Variants in ANKRD27 observed in about 807,000 individuals in gnomAD.
The protein encoded by ANKRD27 is ankyrin repeat domain 27, also known as ankyrin repeat domain-containing protein 27.
In ANKRD27, 112 loss-of-function variants were observed where a neutral mutation model predicts 129.7. The ratio of observed to expected loss-of-function variants is 0.86; its 90% CI spans 0.74 to 1.01. ANKRD27 has a LOEUF of 1.01. ANKRD27 is among the 50% of genes least tolerant of loss of function. ANKRD27 has a pLI of 0.00. For synonymous variants in ANKRD27, 516 were observed against 511.2 expected, an observed-to-expected ratio of 1.01 and a Z score of -0.13; for missense variants, 1,258 against 1,300.5, an observed-to-expected ratio of 0.97 and a Z score of 0.50.
Position 32,657,392 on chromosome 19 carries a change from GTGGAGGTTGCAGTGAGT to G in ANKRD27, c.102+1505_102+1521del, listed in dbSNP as rs1967559464. Among the ~76,000 whole-genome samples the G allele has an allele frequency of 1.3e-5, 2 of 151,832 alleles. 1 individual carries two copies. The highest frequency in any genetic ancestry group is 1.3e-4 in the Admixed American group (2 of 15,238). On this transcript the variant is annotated intron_variant, in intron 2 of 28. Transcript: ENST00000306065. The stretch of plus-strand genomic sequence containing the variant: ...CAGGAAAATCGCTTGAACCCCGGAG[GTGGAGGTTGCAGTGAGT>G]CGAGATTGCGCCACTGCACTCTAGC...
intron 13 of ANKRD27, among the ~76,000 whole-genome samples, chr19:32,630,415 G>C (rs955492560): frequency 6.6e-6 from 1 of 152,220 alleles, no homozygotes; most frequent in Non-Finnish European, 1.5e-5. Flanking sequence ...AGACCACCAG[G>C]AAGTCAGGCA....
intron 11 of ANKRD27, among the ~76,000 whole-genome samples, chr19:32,639,984 C>G (rs915675898): frequency 6.6e-6 from 1 of 151,516 alleles, no homozygotes; most frequent in East Asian, 1.9e-4. Flanking sequence ...TTTTTTGAGA[C>G]GGAGTCTCGC....
chr19:32,626,745 G>A lies in ANKRD27; in HGVS notation c.1503C>T (p.His501=), dbSNP rs200246076. 28 of 1,612,170 alleles carry A rather than the reference G, an allele frequency of 1.7e-5. No individual in the cohort carries two copies. The African/African-American group carries it at 2.1e-4, about 12-fold the overall frequency. Reference sequence around the variant, plus strand: ...TCTGGTAGCCCTTCTGACAGGCCAGGTGGAGCGGAGTGGCTCCATGGTAGT... The same window carrying A: ...TCTGGTAGCCCTTCTGACAGGCCAGATGGAGCGGAGTGGCTCCATGGTAGT... ...ATDYHGATPL[H]LACQKGYQSV... Residue 501 remains histidine, a synonymous_variant, in exon 16 of 29, where the codon CAC becomes CAT. Coordinates refer to ENST00000306065, the MANE Select transcript of ANKRD27 (RefSeq NM_032139.3).
At chr19:32,621,685 A>C (rs1367793006) in intron 18 of ANKRD27, among the ~76,000 whole-genome samples, 1 of 152,204 alleles carries the variant, frequency 6.6e-6, no homozygotes, top group Non-Finnish European at 1.5e-5. Context: ...GGCCTGTACA[A>C]ACGGGGCTCC....
At chr19:32,673,712 C>T (rs1967916941) in intron 1 of ANKRD27, among the ~76,000 whole-genome samples, 1 of 152,186 alleles carries the variant, frequency 6.6e-6, no homozygotes, top group Non-Finnish European at 1.5e-5. Context: ...AGTACCCAAG[C>T]CCTGGCAGCA....
In ANKRD27 at chr19:32,646,450, C is replaced by A; in HGVS notation, c.370+9G>T. ...AAACAGGAGAAAAAGGTTTTTTCTC[C>A]CAGAATACCTGAACTCTCTCTCTTT... On this transcript the variant is annotated intron_variant, in intron 4 of 28. Transcript: ENST00000306065. The A allele has an allele frequency of 1.3e-6, 2 of 1,586,672 alleles. No homozygotes were observed. Among genetic ancestry groups the A allele is most frequent in the South Asian group, 1.1e-5 (1 of 87,406 alleles).
Position 32,597,370 on chromosome 19 carries a change from TC to T in ANKRD27, c.*774del, listed in dbSNP as rs2145250985. The T allele has an allele frequency of 6.5e-6, 1 of 152,738 alleles. No individual in the cohort carries two copies. Among genetic ancestry groups the T allele is most frequent in the East Asian group, 1.9e-4 (1 of 5,192 alleles). 9.5% of individuals were successfully genotyped at this position (152,738 alleles called of 1,614,324 possible). On this transcript the variant is annotated 3_prime_UTR_variant, in exon 29 of 29. Coordinates refer to ENST00000306065, the MANE Select transcript of ANKRD27 (RefSeq NM_032139.3). ...AAAGACTAAGAAAAGATGTGCCAAA[TC>T]TACTCTCTAATCCAGTAACCATCCC...
intron 1 of ANKRD27, among the ~76,000 whole-genome samples, chr19:32,669,122 T>C (rs968213296): frequency 1.3e-5 from 2 of 152,184 alleles, no homozygotes; most frequent in African/African-American, 2.4e-5. Flanking sequence ...AAGAGTCATA[T>C]TTTATTTCAA....
chr19:32,646,773 CTAAAA>C (rs1239794335), intron 3 of ANKRD27, among the ~76,000 whole-genome samples, 158 bp from the exon 4 acceptor site: 3 of 152,164 alleles, frequency 2.0e-5, no homozygotes, highest in Admixed American at 2.0e-4. Context: ...CATTTTGATA[CTAAAA>C]TGTTTCCTCT....
intron 9 of ANKRD27, among the ~76,000 whole-genome samples, chr19:32,642,368 G>GA (rs11433754): frequency 0.16 from 24,075 of 148,054 alleles, 2,499 homozygotes; most frequent in East Asian, 0.37. Context: ...AAGAAAAGCT[G>GA]AAAAAAAAAA....
intron 13 of ANKRD27, among the ~76,000 whole-genome samples, chr19:32,631,023 T>C (rs1477469624): frequency 6.7e-6 from 1 of 149,578 alleles, no homozygotes; most frequent in Middle Eastern, 3.2e-3. Context: ...ACCCTGATCA[T>C]TTTTTTTTTC....
intron 12 of ANKRD27, 48 bp from the exon 13 acceptor site, chr19:32,631,542 T>G (rs751107304): frequency 1.3e-6 from 2 of 1,520,546 alleles, no homozygotes; most frequent in Non-Finnish European, 1.8e-6. Context: ...TGCAGATCCT[T>G]CAAAACCCAG....
chr19:32,620,938 G>A (rs973089890), intron 18 of ANKRD27, among the ~76,000 whole-genome samples: 1 of 150,752 alleles, frequency 6.6e-6, no homozygotes, highest in Admixed American at 6.6e-5. Flanking sequence ...TTTTGGAGGT[G>A]ATGGATATGT....
intron 4 of ANKRD27, among the ~76,000 whole-genome samples, chr19:32,644,986 T>G (rs1379581244): frequency 6.6e-6 from 1 of 150,428 alleles, no homozygotes; most frequent in Non-Finnish European, 1.5e-5. Context: ...ATGCCCGACC[T>G]GTGCAACAGC....
chr19:32,658,743 C>A lies in ANKRD27; in HGVS notation c.102+171G>T, dbSNP rs916956590. 9.8e-5 allele frequency among the ~76,000 whole-genome samples: 15 copies of A among 152,316 alleles called. No individual in the cohort carries two copies. In the South Asian group the frequency reaches 3.1e-3, roughly 32 times the overall value. On this transcript the variant is annotated intron_variant, in intron 2 of 28. Transcript: ENST00000306065. Reference sequence around the variant, plus strand: ...CTGGACTGCAGTCCCAGAAGGCTTCCTGGAGGGAGCGGCTCATGGGGGCCC... The same window carrying A: ...CTGGACTGCAGTCCCAGAAGGCTTCATGGAGGGAGCGGCTCATGGGGGCCC...
intron 22 of ANKRD27, 68 bp from the exon 23 acceptor site, chr19:32,607,900 C>T: frequency 6.8e-7 from 1 of 1,472,302 alleles, no homozygotes; most frequent in Non-Finnish European, 9.3e-7. Flanking sequence ...GAGTGATTGG[C>T]ACCATGTGCC....
At chr19:32,600,538 C>T (rs951002587) in intron 26 of ANKRD27, among the ~76,000 whole-genome samples, 11 of 152,122 alleles carry the variant, frequency 7.2e-5, no homozygotes, top group Non-Finnish European at 1.5e-5. Flanking sequence ...AAGACTCCAT[C>T]TCAAAAAAAA....
intron 23 of ANKRD27, 95 bp from the exon 24 acceptor site, chr19:32,606,049 A>C: frequency 8.5e-7 from 1 of 1,176,802 alleles, no homozygotes; most frequent in Non-Finnish European, 1.1e-6. Context: ...AAATAAATAA[A>C]ATAAGAAAAC....
At chr19:32,667,452 C>T (rs557917701) in intron 1 of ANKRD27, among the ~76,000 whole-genome samples, 2 of 152,186 alleles carry the variant, frequency 1.3e-5, no homozygotes, top group Admixed American at 6.6e-5. Flanking sequence ...GCTCAACAGG[C>T]ATATGCCACC....
Sources: allele counts gnomAD v4.1 joint callset (sites outside exome capture counted in the v4.1 genomes callset), GRCh38; gene constraint gnomAD v4.1.1; transcripts MANE v1.5; gene names NCBI Gene and HGNC (gene_info 2026-07-23, HGNC 2026-07-21).